NRL: variants seen among roughly 807,000 people sequenced by gnomAD.
NRL encodes neural retina leucine zipper.
A neutral mutation model predicts 12.5 loss-of-function variants in NRL; 16 were observed. The observed-to-expected ratio is 1.28, with a 90% CI of 0.87 to 1.95. NRL has a LOEUF of 1.95. Among genes scored for constraint, NRL ranks in the 30% most tolerant of loss-of-function variants. NRL has a pLI of 0.00. For synonymous variants in NRL, 142 were observed against 150.9 expected, an observed-to-expected ratio of 0.94 and a Z score of 0.43; for missense variants, 314 against 325.8, an observed-to-expected ratio of 0.96 and a Z score of 0.28.
At position 24,097,036 on chromosome 14, in the gene NRL, G is replaced by A. The variant is rs1431122666; in HGVS notation, c.-27-14161C>T. ...ACAGTGCCCGCCTGTGCCAACCAGA[G>A]GGCATCCACATCTGTGATGGAACTG... On this transcript the variant is annotated intron_variant, in intron 1 of 2. Coordinates refer to ENST00000561028, the MANE Select transcript of NRL (RefSeq NM_001354768.3). The A allele has an allele frequency of 5.0e-6, 8 of 1,613,378 alleles. No homozygotes were observed. The East Asian group carries it at 1.8e-4, about 36-fold the overall frequency.
chr14:24,081,015 C>T lies in NRL; in HGVS notation c.*221G>A, dbSNP rs3561. The T allele has an allele frequency of 0.58, 224,597 of 390,378 alleles. 69,977 individuals carry two copies. Among genetic ancestry groups the T allele is most frequent in the Non-Finnish European group, 0.67 (148,610 of 222,512 alleles). 24.2% of individuals were successfully genotyped at this position (390,378 alleles called of 1,614,324 possible). A position where few individuals can be genotyped will look rare whatever the true frequency, so the allele number is the denominator to read the frequency against. On this transcript the variant is annotated 3_prime_UTR_variant, in exon 3 of 3. Transcript: ENST00000561028. This position sits in a 1 kb window ranked among gnomAD's most constrained non-coding sequence, Gnocchi z 4.4. Reference sequence around the variant, plus strand: ...CGTGCTAGTCATGTGGGCTGGGTTTCTGTGTTCGTAAGGGGAGGGGACCCC... The same window carrying T: ...CGTGCTAGTCATGTGGGCTGGGTTTTTGTGTTCGTAAGGGGAGGGGACCCC...
intron 1 of NRL, chr14:24,103,494 C>T: frequency 1.3e-6 from 2 of 1,533,322 alleles, no homozygotes; most frequent in Non-Finnish European, 1.8e-6. Flanking sequence ...CCTTACCCAT[C>T]TTGCTTCCCC....
intron 1 of NRL, chr14:24,099,631 C>T (rs1161321790): frequency 6.2e-7 from 1 of 1,613,970 alleles, no homozygotes. Flanking sequence ...TGTGGCAAGA[C>T]CAACCTGGCT....
At chr14:24,084,669 C>T (rs1306018573) in intron 1 of NRL, 1 of 985,326 alleles carries the variant, frequency 1.0e-6, no homozygotes. Context: ...TCTTAAAGGG[C>T]CAGCTCTCTG....
In NRL at chr14:24,081,978, A is replaced by G; in HGVS notation, c.382-410T>C. ...AAGCCTGCAACCCGGTGACCCTCACAGGATTTGGATTACATCCTAATGCCC... is the reference window on the plus strand; with the variant it reads ...AAGCCTGCAACCCGGTGACCCTCACGGGATTTGGATTACATCCTAATGCCC... On this transcript the variant is annotated intron_variant, in intron 2 of 2. Transcript: ENST00000561028. The surrounding 1 kb of genome is among the most constrained non-coding windows in gnomAD (Gnocchi z 4.4). 4 of 1,217,688 alleles carry G rather than the reference A, an allele frequency of 3.3e-6. 1 individual carries two copies. The South Asian group carries it at 6.6e-5, about 20-fold the overall frequency. The allele number at this position is 1,217,688 out of a possible 1,614,324, so 75.4% of individuals were successfully genotyped here.
In NRL at chr14:24,103,687, G is replaced by C. The variant is rs201980042; in HGVS notation, c.-28+11035C>G. ...GGGCACTTCCTGTGGCCAGGCTTTG[G>C]GGAGAATGCTCGGGTGCTAGACTGG... On this transcript the variant is annotated intron_variant, in intron 1 of 2. Coordinates refer to ENST00000561028, the MANE Select transcript of NRL (RefSeq NM_001354768.3). 2.6e-5 allele frequency: 42 copies of C among 1,614,088 alleles called. No homozygotes were observed. Among genetic ancestry groups the C allele is most frequent in the Admixed American group, 2.3e-4 (14 of 60,008 alleles).
At position 24,114,818 on chromosome 14, in the gene NRL, C is replaced by T. The variant is rs2037501673; in HGVS notation, c.-124G>A. On this transcript the variant is annotated 5_prime_UTR_variant, in exon 1 of 3. Coordinates refer to ENST00000561028, the MANE Select transcript of NRL (RefSeq NM_001354768.3). ...CCGCCGGCCAGGAAGCCGCGAGATG[C>T]GTGACGAGCGAAGCGCGTGACGGAG... 2.0e-6 allele frequency: 2 copies of T among 985,842 alleles called. No homozygotes were observed. The highest frequency in any genetic ancestry group is 6.1e-5 in the Admixed American group (1 of 16,276). The allele number at this position is 985,842 out of a possible 1,614,324, so 61.1% of individuals were successfully genotyped here. A position where few individuals can be genotyped will look rare whatever the true frequency, so the allele number is the denominator to read the frequency against.
intron 1 of NRL, chr14:24,103,877 C>A: frequency 6.2e-7 from 1 of 1,614,128 alleles, no homozygotes; most frequent in Non-Finnish European, 8.5e-7. Context: ...ACATTCGGAG[C>A]TACCTGACAG....
chr14:24,114,573 C>T, intron 1 of NRL, 149 bp downstream of exon 1: 2 of 661,006 alleles, frequency 3.0e-6, no homozygotes, highest in Non-Finnish European at 3.8e-6. Context: ...TTTTTTAAGC[C>T]CCGCCTCTCA....
At chr14:24,090,940 T>C (rs1240645288) in intron 1 of NRL, among the ~76,000 whole-genome samples, 2 of 152,226 alleles carry the variant, frequency 1.3e-5, no homozygotes, top group Non-Finnish European at 2.9e-5. Flanking sequence ...GTGCCTGTTA[T>C]AGGCCAGGTA....
intron 1 of NRL, among the ~76,000 whole-genome samples, chr14:24,092,203 G>C (rs1204004244): frequency 1.3e-5 from 2 of 152,202 alleles, no homozygotes; most frequent in Non-Finnish European, 2.9e-5. Flanking sequence ...TTGGTAGGGA[G>C]AGGGGTTGGT....
intron 1 of NRL, among the ~76,000 whole-genome samples, chr14:24,102,480 G>A (rs1053654620): frequency 9.9e-5 from 15 of 152,112 alleles, no homozygotes; most frequent in African/African-American, 3.1e-4. Context: ...CCAAGTGCCA[G>A]TAGCTTGGCA....
At chr14:24,087,972 G>A (rs2036505810) in intron 1 of NRL, among the ~76,000 whole-genome samples, 1 of 152,090 alleles carries the variant, frequency 6.6e-6, no homozygotes, top group African/African-American at 2.4e-5. Flanking sequence ...AGGGTGCAGT[G>A]GGCCATGATG....
rs1243588895 is a variant in NRL, at chr14:24,111,146, A to AT, written c.-28+3575dup. Among the ~76,000 whole-genome samples, 418 of 149,278 alleles carry AT rather than the reference A, an allele frequency of 2.8e-3. 3 individuals are homozygous for AT. Among genetic ancestry groups the AT allele is most frequent in the African/African-American group, 8.2e-3 (333 of 40,680 alleles). On this transcript the variant is annotated intron_variant, in intron 1 of 2. Transcript: ENST00000561028. ...TAGGCACGCGCCACGATGGCCGGCT[A>AT]TTTTTTTTTTCTTTTTGTAGACTGG...
intron 1 of NRL, chr14:24,103,310 C>G: frequency 7.0e-7 from 1 of 1,429,578 alleles, no homozygotes; most frequent in South Asian, 1.2e-5. Flanking sequence ...CACGTCCTCT[C>G]TCCCTTCCTG....
At chr14:24,099,967 C>A in intron 1 of NRL, 1 of 1,613,994 alleles carries the variant, frequency 6.2e-7, no homozygotes, top group Non-Finnish European at 8.5e-7. Flanking sequence ...CTTGTTTGGT[C>A]CTTCCTTTCT....
At position 24,085,749 on chromosome 14, in the gene NRL, A is replaced by G. The variant is rs2036450978; in HGVS notation, c.-27-2874T>C. Among the ~76,000 whole-genome samples the G allele has an allele frequency of 6.6e-6, 1 of 152,220 alleles. No homozygotes were observed. Among genetic ancestry groups the G allele is most frequent in the African/African-American group, 2.4e-5 (1 of 41,450 alleles). Reference sequence around the variant, plus strand: ...TTATATGTTGGGGAAAAGCTGGCAGATACAGATTATCTAAGAAGGTGGTTT... The same window carrying G: ...TTATATGTTGGGGAAAAGCTGGCAGGTACAGATTATCTAAGAAGGTGGTTT... On this transcript the variant is annotated intron_variant, in intron 1 of 2. Transcript: ENST00000561028. This position sits in a 1 kb window ranked among gnomAD's most constrained non-coding sequence, Gnocchi z 4.1.
At chr14:24,109,622 C>T (rs1487071142) in intron 1 of NRL, among the ~76,000 whole-genome samples, 8 of 149,996 alleles carry the variant, frequency 5.3e-5, no homozygotes, top group African/African-American at 9.9e-5. Context: ...AGCATGAACC[C>T]GGGAGGCGGA....
intron 1 of NRL, among the ~76,000 whole-genome samples, chr14:24,108,121 T>C (rs1049855061): frequency 1.3e-5 from 2 of 152,234 alleles, no homozygotes; most frequent in African/African-American, 4.8e-5. Context: ...AGTTGCTCCA[T>C]GCTCATTGTG....
Sources: allele counts gnomAD v4.1 joint callset (sites outside exome capture counted in the v4.1 genomes callset), GRCh38; gene constraint gnomAD v4.1.1; non-coding constraint Gnocchi (gnomAD v3.1); transcripts MANE v1.5; gene names NCBI Gene and HGNC (gene_info 2026-07-23, HGNC 2026-07-21).